BRWD1: variants seen among roughly 807,000 people sequenced by gnomAD.
BRWD1 encodes the protein bromodomain and WD repeat domain containing 1.
BRWD1 carries 82 observed loss-of-function variants against 251.2 expected under a neutral mutation model. The observed-to-expected ratio is 0.33, with a 90% CI of 0.27 to 0.39. BRWD1 has a LOEUF of 0.39. Ranked by LOEUF, BRWD1 falls within the 10% of genes least tolerant of loss-of-function variation. The pLI is 1.00. For missense variants in BRWD1, 2,233 were observed against 2,711.6 expected, an observed-to-expected ratio of 0.82 and a Z score of 3.92; for synonymous variants, 918 against 902.8, an observed-to-expected ratio of 1.02 and a Z score of -0.30.
upstream of BRWD1, among the ~76,000 whole-genome samples, chr21:39,317,587 C>T (rs2036711302): frequency 6.6e-6 from 1 of 152,240 alleles, no homozygotes; most frequent in African/African-American, 2.4e-5. Flanking sequence ...TCCATTCTCC[C>T]TTGGCCACGT....
chr21:39,277,935 A>G (rs954958902), intron 10 of BRWD1, among the ~76,000 whole-genome samples: 3 of 151,798 alleles, frequency 2.0e-5, no homozygotes, highest in Non-Finnish European at 2.9e-5. Context: ...TGCAGCCTCA[A>G]CCTCCTGGAC....
rs2031665882 is a variant in BRWD1, at chr21:39,193,631, A to C, written c.*2628T>G. 1 of 985,456 alleles carries C rather than the reference A, an allele frequency of 1.0e-6. No individual in the cohort carries two copies. The highest frequency in any genetic ancestry group is 1.2e-6 in the Non-Finnish European group (1 of 829,730). The allele number at this position is 985,456 out of a possible 1,614,324, so 61.0% of individuals were successfully genotyped here. A position where few individuals can be genotyped will look rare whatever the true frequency, so the allele number is the denominator to read the frequency against. On this transcript the variant is annotated 3_prime_UTR_variant, in exon 41 of 41. Coordinates refer to ENST00000342449, the MANE Select transcript of BRWD1 (RefSeq NM_033656.4). ...TTTTTGTTTTTCACATACACCATTA[A>C]GTTGAACTTCAAGTGCAGTGGAAAG... is the stretch of plus-strand genomic sequence containing the variant.
Position 39,199,334 on chromosome 21 carries a change from T to C in BRWD1, c.5082A>G (p.Lys1694=). ...LKSEIEEEEL[K]DENQLLPVSS... is the part of the protein sequence containing the mutation. ...ACACTGGTAATAGTTGATTTTCATC[T>C]TTTAGCTCCTCTTCTTCAATTTCTG... The change falls in exon 40 of 41, where the codon AAA becomes AAG. Residue 1694 remains lysine, a synonymous_variant. Transcript: ENST00000342449. 6.2e-7 allele frequency: 1 copy of C among 1,614,056 alleles called. No homozygotes were observed. Among genetic ancestry groups the C allele is most frequent in the Non-Finnish European group, 8.5e-7 (1 of 1,179,906 alleles).
Position 39,187,255 on chromosome 21 carries a change from A to G in BRWD1, c.*9004T>C. 1 of 1,613,870 alleles carries G rather than the reference A, an allele frequency of 6.2e-7. No individual in the cohort carries two copies. Among genetic ancestry groups the G allele is most frequent in the South Asian group, 1.1e-5 (1 of 91,042 alleles). On this transcript the variant is annotated 3_prime_UTR_variant, in exon 41 of 41. Coordinates refer to ENST00000342449, the MANE Select transcript of BRWD1 (RefSeq NM_033656.4). ...TGAGATCGTTTCTTTTAGATTACTCATTATCTTTATTTTATTTGCAGCAAC... is the reference window on the plus strand; with the variant it reads ...TGAGATCGTTTCTTTTAGATTACTCGTTATCTTTATTTTATTTGCAGCAAC...
rs758903261 is a variant in BRWD1 at position 39,200,281 on chromosome 21, C to T, written c.4691G>A (p.Ser1564Asn). ...GAGATTGCTGCTTCTGGATAGCCCA[C>T]TGCGTGAGGAGGATTCACGAGCTCT... Reference protein sequence around the residue: ...SSRARESSSRSGLSRSSNLRV... With the variant: ...SSRARESSSRNGLSRSSNLRV... Residue 1564 changes from serine to asparagine, a missense_variant, in exon 39 of 41, where the codon AGT becomes AAT. By Grantham distance (46) the Ser-to-Asn change is conservative (BLOSUM62 1). Around this residue, in one of 12 missense-constraint regions of BRWD1, gnomAD observed 928 missense variants for 970.0 expected, o/e 0.96. Coordinates refer to ENST00000342449, the MANE Select transcript of BRWD1 (RefSeq NM_033656.4). 9 of 1,614,032 alleles carry T rather than the reference C, an allele frequency of 5.6e-6. No individual in the cohort carries two copies. Among genetic ancestry groups the T allele is most frequent in the Non-Finnish European group, 7.6e-6 (9 of 1,180,022 alleles).
At chr21:39,233,921 G>C (rs11909939) in intron 23 of BRWD1, among the ~76,000 whole-genome samples, 1 of 152,226 alleles carries the variant, frequency 6.6e-6, no homozygotes, top group African/African-American at 2.4e-5. Context: ...TTGGGAGGCT[G>C]AGGCAGAAGA....
At chr21:39,206,778 A>G (rs2032410900) in intron 36 of BRWD1, among the ~76,000 whole-genome samples, 1 of 152,248 alleles carries the variant, frequency 6.6e-6, no homozygotes, top group African/African-American at 2.4e-5. Context: ...AGCAGAAAGT[A>G]TAACCTAGAA....
chr21:39,267,304 A>G (rs2034953486), intron 15 of BRWD1, among the ~76,000 whole-genome samples: 12 of 152,332 alleles, frequency 7.9e-5, no homozygotes, highest in Admixed American at 6.5e-4. Context: ...CCTCTAAAAT[A>G]CATCACACAG....
At chr21:39,231,978 A>C (rs1294782822) in intron 25 of BRWD1, among the ~76,000 whole-genome samples, 199 bp downstream of exon 25, 1 of 152,324 alleles carries the variant, frequency 6.6e-6, no homozygotes, top group Non-Finnish European at 1.5e-5. Context: ...TTTACACACC[A>C]ATCAGCAACA....
chr21:39,187,286 C>CA lies in BRWD1; in HGVS notation c.*8972dup. The CA allele has an allele frequency of 6.2e-7, 1 of 1,614,010 alleles. No individual in the cohort carries two copies. The highest frequency in any genetic ancestry group is 8.5e-7 in the Non-Finnish European group (1 of 1,179,938). On this transcript the variant is annotated 3_prime_UTR_variant, in exon 41 of 41. Transcript: ENST00000342449. Reference sequence around the variant, plus strand: ...TTTATTTTATTTGCAGCAACAGTAGCACATCTGCGGGGAACTTTCTCAGGT... The same window carrying CA: ...TTTATTTTATTTGCAGCAACAGTAGCAACATCTGCGGGGAACTTTCTCAGGT...
Position 39,202,474 on chromosome 21 carries a change from G to A in BRWD1, c.4436C>T (p.Ser1479Phe), listed in dbSNP as rs760917300. Residue 1479 changes from serine to phenylalanine, a missense_variant, in exon 38 of 41, where the codon TCT (serine) becomes TTT (phenylalanine). This residue lies in a region of BRWD1 where 928 missense variants were observed against 970.0 expected (regional missense o/e 0.96). Coordinates refer to ENST00000342449, the MANE Select transcript of BRWD1 (RefSeq NM_033656.4). ...AAGATAAGCTGTCCTACTTGAGGTA[G>A]ACTGGGTAGGAGAACCTACCAACTC... ...IPELVGSPTQ[S>F]TSSRTAYLGT... 2.5e-6 allele frequency: 4 copies of A among 1,614,068 alleles called. No individual in the cohort carries two copies. Among genetic ancestry groups the A allele is most frequent in the Non-Finnish European group, 3.4e-6 (4 of 1,179,958 alleles).
In BRWD1 at chr21:39,194,257, T is replaced by C; in HGVS notation, c.*2002A>G. ...TACTTATGAATGTATTCCATATTTATTTATGGATTTTTTTGGTACCTTTTT... is the reference window on the plus strand; with the variant it reads ...TACTTATGAATGTATTCCATATTTACTTATGGATTTTTTTGGTACCTTTTT... On this transcript the variant is annotated 3_prime_UTR_variant, in exon 41 of 41. Coordinates refer to ENST00000342449, the MANE Select transcript of BRWD1 (RefSeq NM_033656.4). 2 of 987,862 alleles carry C rather than the reference T, an allele frequency of 2.0e-6. No homozygotes were observed. The highest frequency in any genetic ancestry group is 2.4e-6 in the Non-Finnish European group (2 of 829,662). 61.2% of individuals were successfully genotyped at this position (987,862 alleles called of 1,614,324 possible).
At chr21:39,296,641 A>T in intron 5 of BRWD1, 2 of 930,192 alleles carry the variant, frequency 2.2e-6, no homozygotes, top group Non-Finnish European at 2.6e-6. Context: ...CCTCACAACA[A>T]CCCTGTGAGG....
At chr21:39,218,466 G>GAA in intron 30 of BRWD1, 39 bp downstream of exon 30, 1 of 1,504,242 alleles carries the variant, frequency 6.6e-7, no homozygotes, top group Non-Finnish European at 8.9e-7. Flanking sequence ...GAAAAAAATT[G>GAA]AAAAAAAAAC....
intron 20 of BRWD1, among the ~76,000 whole-genome samples, chr21:39,248,577 G>A (rs1414547329): frequency 6.8e-6 from 1 of 146,162 alleles, no homozygotes; most frequent in Non-Finnish European, 1.5e-5. Context: ...GGTTGACGCT[G>A]CAGTGAGTGA....
At chr21:39,298,218 C>T in intron 5 of BRWD1, 1 of 1,204,096 alleles carries the variant, frequency 8.3e-7, no homozygotes, top group Non-Finnish European at 1.0e-6. Context: ...AGCTTAACAT[C>T]TATATCTTTA....
chr21:39,309,617 G>C (rs935068704), intron 4 of BRWD1, among the ~76,000 whole-genome samples: 3 of 151,942 alleles, frequency 2.0e-5, no homozygotes, highest in African/African-American at 7.2e-5. Context: ...GAGGTCAGGA[G>C]ATCGAGACCA....
At chr21:39,271,369 C>T (rs767582397) in intron 13 of BRWD1, among the ~76,000 whole-genome samples, 1 of 151,600 alleles carries the variant, frequency 6.6e-6, no homozygotes, top group Non-Finnish European at 1.5e-5. Flanking sequence ...CCTAATGGTT[C>T]TGAAATAATA....
At chr21:39,200,419 A>T in intron 38 of BRWD1, 33 bp from the exon 39 acceptor site, 1 of 1,580,116 alleles carries the variant, frequency 6.3e-7, no homozygotes, top group Non-Finnish European at 8.6e-7. Context: ...AGTTACATAT[A>T]TTCTCCTGTC....
Sources: allele counts gnomAD v4.1 joint callset (sites outside exome capture counted in the v4.1 genomes callset), GRCh38; gene constraint gnomAD v4.1.1; regional missense constraint gnomAD v4.1.1; transcripts MANE v1.5; gene names NCBI Gene and HGNC (gene_info 2026-07-23, HGNC 2026-07-21).